The following DPP10 variants were observed in gnomAD, a reference collection of about 807,000 sequenced individuals.
DPP10 encodes dipeptidyl peptidase like 10.
In DPP10, 33 loss-of-function variants were observed where a neutral mutation model predicts 120.9. The observed-to-expected ratio is 0.27, with a 90% CI of 0.21 to 0.37. The LOEUF is 0.37. Ranked by LOEUF, DPP10 falls within the 10% of genes least tolerant of loss-of-function variation. DPP10 has a pLI of 1.00. For missense variants in DPP10, 816 were observed against 942.8 expected (o/e 0.87, Z 1.76); for synonymous variants, 337 against 326.1 (o/e 1.03, Z -0.36).
At chr2:115,325,500 A>G (rs963947665) in intron 2 of DPP10, among the ~76,000 whole-genome samples, 4 of 152,172 alleles carry the variant, frequency 2.6e-5, no homozygotes, top group African/African-American at 2.4e-5. Flanking sequence ...TAAAATACAC[A>G]ATAAAGTACG....
At chr2:115,026,612 T>G (rs980779238) in intron 1 of DPP10, among the ~76,000 whole-genome samples, 2 of 152,276 alleles carry the variant, frequency 1.3e-5, no homozygotes, top group African/African-American at 4.8e-5. Flanking sequence ...CTCGGCTCAT[T>G]GCAACCTCTG....
chr2:114,633,653 A>G (rs556303197), intron 1 of DPP10, among the ~76,000 whole-genome samples: 1 of 151,348 alleles, frequency 6.6e-6, no homozygotes, highest in South Asian at 2.1e-4. Context: ...CTCATGTGTC[A>G]CCCAGACTAG....
chr2:114,505,992 T>A (rs1216620488), intron 1 of DPP10, among the ~76,000 whole-genome samples: 3 of 152,254 alleles, frequency 2.0e-5, no homozygotes, highest in African/African-American at 7.2e-5. Context: ...ACTCATTAAA[T>A]ACTTTGTGAT....
rs527684579 is a variant in DPP10 at position 115,364,186 on chromosome 2, C to A, written c.271+20274C>A. ...TGTTTTGGCCAACTTTTTTCACCAG[C>A]CTGTATTTCCTCTCCTTTCTTTCTT... On this transcript the variant is annotated intron_variant, in intron 3 of 25. Coordinates refer to ENST00000410059, the MANE Select transcript of DPP10 (RefSeq NM_020868.6). Among the ~76,000 whole-genome samples, 215 of 152,060 alleles carry A rather than the reference C, an allele frequency of 1.4e-3. 1 individual carries two copies. Among genetic ancestry groups the A allele is most frequent in the Non-Finnish European group, 2.4e-3 (166 of 67,984 alleles).
intron 1 of DPP10, among the ~76,000 whole-genome samples, chr2:115,212,898 A>G (rs1045441720): frequency 6.6e-6 from 1 of 152,160 alleles, no homozygotes; most frequent in Non-Finnish European, 1.5e-5. Flanking sequence ...ACATTGGTTT[A>G]TCACATATGG....
At chr2:114,893,809 T>G (rs1225884313) in intron 1 of DPP10, among the ~76,000 whole-genome samples, 1 of 152,250 alleles carries the variant, frequency 6.6e-6, no homozygotes, top group Non-Finnish European at 1.5e-5. Flanking sequence ...AACGTAGAGT[T>G]AACCCTCCAG....
At chr2:115,435,795 G>A (rs11680996) in intron 3 of DPP10, among the ~76,000 whole-genome samples, 90,881 of 151,588 alleles carry the variant, frequency 0.6, 28,537 homozygotes, top group Middle Eastern at 0.74. Flanking sequence ...AATTTCCCCA[G>A]TGTTTTCTTC....
chr2:114,836,224 C>T (rs1687722593), intron 1 of DPP10, among the ~76,000 whole-genome samples: 1 of 152,108 alleles, frequency 6.6e-6, no homozygotes, highest in African/African-American at 2.4e-5. Flanking sequence ...TGTGCTGCTC[C>T]ATTTGTGACC....
intron 1 of DPP10, among the ~76,000 whole-genome samples, chr2:115,116,938 C>G (rs966360096): frequency 5.9e-5 from 9 of 152,172 alleles, no homozygotes; most frequent in African/African-American, 1.9e-4. Context: ...AAGAATTTAT[C>G]TTTTCTTGGA....
At chr2:114,498,965 G>A (rs558518608) in intron 1 of DPP10, among the ~76,000 whole-genome samples, 17 of 152,298 alleles carry the variant, frequency 1.1e-4, no homozygotes, top group Non-Finnish European at 2.1e-4. Context: ...ATACTATTCC[G>A]CTTTAAAGAA....
intron 5 of DPP10, among the ~76,000 whole-genome samples, chr2:115,671,678 A>T (rs372514697): frequency 6.6e-6 from 1 of 152,190 alleles, no homozygotes; most frequent in South Asian, 2.1e-4. Context: ...CACTGACTAG[A>T]TCAATCTGCA....
chr2:114,876,844 C>T (rs762089474), intron 1 of DPP10, among the ~76,000 whole-genome samples: 8 of 151,932 alleles, frequency 5.3e-5, no homozygotes, highest in Non-Finnish European at 1.0e-4. Context: ...AGACCCATTG[C>T]GAAATGAAAG....
At chr2:115,310,432 T>C (rs1427034765) in intron 2 of DPP10, among the ~76,000 whole-genome samples, 1 of 152,160 alleles carries the variant, frequency 6.6e-6, no homozygotes, top group Non-Finnish European at 1.5e-5. Flanking sequence ...CTTCGTGAGA[T>C]ATACCATCTT....
At chr2:115,279,893 C>G (rs2060088433) in intron 1 of DPP10, among the ~76,000 whole-genome samples, 1 of 151,944 alleles carries the variant, frequency 6.6e-6, no homozygotes, top group Admixed American at 6.6e-5. Context: ...AACTCCTGAT[C>G]TCAGGTGATC....
chr2:114,489,865 A>C (rs2104721945), intron 1 of DPP10, among the ~76,000 whole-genome samples: 1 of 152,344 alleles, frequency 6.6e-6, no homozygotes, highest in Non-Finnish European at 1.5e-5. Context: ...TGTGTCCTTC[A>C]GCAAGTTTGT....
intron 3 of DPP10, among the ~76,000 whole-genome samples, chr2:115,370,426 A>G (rs1235568562): frequency 6.6e-6 from 1 of 152,126 alleles, no homozygotes; most frequent in Non-Finnish European, 1.5e-5. Flanking sequence ...GAGGATTTGT[A>G]GAGAAGTAGA....
chr2:115,034,213 A>G (rs988202754), intron 1 of DPP10, among the ~76,000 whole-genome samples: 31 of 151,870 alleles, frequency 2.0e-4, no homozygotes, highest in African/African-American at 7.2e-4. Flanking sequence ...ATCTTTCTCT[A>G]AAGTCTCTTC....
intron 4 of DPP10, among the ~76,000 whole-genome samples, chr2:115,523,528 C>A (rs2077948371): frequency 1.3e-5 from 2 of 151,456 alleles, no homozygotes. Context: ...ACAACTGCAA[C>A]GTTGGAATTT....
chr2:114,648,725 A>C (rs1696329931), intron 1 of DPP10, among the ~76,000 whole-genome samples: 1 of 152,356 alleles, frequency 6.6e-6, no homozygotes, highest in East Asian at 1.9e-4. Flanking sequence ...CTAGATACTT[A>C]AAGTCCAAAA....
Sources: gnomAD v4.1 joint callset for allele counts (sites outside exome capture counted in the v4.1 genomes callset) on GRCh38, gnomAD v4.1.1 for gene constraint, MANE v1.5 for transcripts, NCBI Gene and HGNC (gene_info 2026-07-23, HGNC 2026-07-21) for gene names.